Variants in COL25A1 observed in about 807,000 individuals in gnomAD.
COL25A1 encodes the protein collagen type XXV alpha 1 chain.
Under a neutral mutation model 128.4 loss-of-function variants are expected in COL25A1, and 103 were observed. The observed-to-expected ratio is 0.80, with a 90% CI of 0.68 to 0.94. The LOEUF (loss-of-function observed/expected upper bound fraction) is 0.94. Ranked by LOEUF, COL25A1 falls within the 40% of genes least tolerant of loss-of-function variation. The probability of loss-of-function intolerance (pLI) is 0.00; values close to 1 mark genes in which losing one functional copy is unlikely to be tolerated. For synonymous variants in COL25A1, 279 were observed against 277.2 expected (o/e 1.01, Z -0.06); for missense variants, 745 against 840.0 (o/e 0.89, Z 1.40).
At chr4:109,230,424 T>C (rs1289431420) in intron 3 of COL25A1, among the ~76,000 whole-genome samples, 1 of 152,226 alleles carries the variant, frequency 6.6e-6, no homozygotes, top group Non-Finnish European at 1.5e-5. Flanking sequence ...GTGTTATTTG[T>C]AACATTTTCA....
chr4:109,233,713 A>G (rs1431821747), intron 3 of COL25A1, among the ~76,000 whole-genome samples: 1 of 152,122 alleles, frequency 6.6e-6, no homozygotes, highest in African/African-American at 2.4e-5. Context: ...TGACTAATAA[A>G]CGAGGCCTTT....
chr4:108,954,900 A>G (rs1749884283), intron 8 of COL25A1, among the ~76,000 whole-genome samples: 1 of 152,084 alleles, frequency 6.6e-6, no homozygotes, highest in East Asian at 1.9e-4. Context: ...TAAAATATCT[A>G]AAAGCAATAG....
chr4:108,883,806 T>C (rs1740426569), intron 19 of COL25A1, among the ~76,000 whole-genome samples: 1 of 152,188 alleles, frequency 6.6e-6, no homozygotes, highest in African/African-American at 2.4e-5. Context: ...AAATGTTAGC[T>C]TTATGGGGAT....
At chr4:109,158,886 A>G (rs1465179752) in intron 3 of COL25A1, among the ~76,000 whole-genome samples, 1 of 152,194 alleles carries the variant, frequency 6.6e-6, no homozygotes, top group African/African-American at 2.4e-5. Context: ...TAAGCATCCA[A>G]TGTTAACACA....
At chr4:109,197,208 C>G (rs1776115535) in intron 3 of COL25A1, among the ~76,000 whole-genome samples, 1 of 149,238 alleles carries the variant, frequency 6.7e-6, no homozygotes, top group African/African-American at 2.5e-5. Context: ...TGCCTCTAAT[C>G]CCAGCTACTC....
intron 3 of COL25A1, among the ~76,000 whole-genome samples, chr4:109,052,836 T>A (rs1445748227): frequency 6.6e-6 from 1 of 152,070 alleles, no homozygotes. Context: ...CAGACAAAAC[T>A]GATGTTAACA....
intron 8 of COL25A1, 136 bp from the exon 9 acceptor site, chr4:108,941,573 A>G: frequency 1.6e-6 from 1 of 616,174 alleles, no homozygotes; most frequent in East Asian, 2.8e-5. Flanking sequence ...TAGAACTGGC[A>G]CTTATGTCTA....
intron 11 of COL25A1, among the ~76,000 whole-genome samples, chr4:108,927,501 G>A (rs926976845): frequency 2.6e-5 from 4 of 151,416 alleles, no homozygotes; most frequent in African/African-American, 7.3e-5. Context: ...CCCAGTTTGA[G>A]GCAGTTGTTC....
chr4:108,972,458 T>C (rs139400699), intron 8 of COL25A1, among the ~76,000 whole-genome samples: 1 of 152,320 alleles, frequency 6.6e-6, no homozygotes, highest in African/African-American at 2.4e-5. Flanking sequence ...ATGTAGCTAA[T>C]ACTATCTTAC....
At chr4:109,007,916 CTG>C (rs1756192775) in intron 6 of COL25A1, among the ~76,000 whole-genome samples, 1 of 152,214 alleles carries the variant, frequency 6.6e-6, no homozygotes, top group African/African-American at 2.4e-5. Context: ...TGTTTATTAA[CTG>C]TGGCTGTATA....
intron 3 of COL25A1, among the ~76,000 whole-genome samples, chr4:109,225,159 G>A (rs1778717968): frequency 6.6e-6 from 1 of 152,150 alleles, no homozygotes; most frequent in Non-Finnish European, 1.5e-5. Flanking sequence ...TATCACTTCA[G>A]TAGGTATATC....
At chr4:109,113,767 C>T (rs1036106631) in intron 3 of COL25A1, among the ~76,000 whole-genome samples, 6 of 152,074 alleles carry the variant, frequency 3.9e-5, no homozygotes, top group Admixed American at 2.0e-4. Flanking sequence ...CATTTCCATA[C>T]GCAGCTGAAG....
intron 18 of COL25A1, among the ~76,000 whole-genome samples, chr4:108,886,963 TAAAATA>T (rs888854075): frequency 3.3e-5 from 5 of 152,080 alleles, no homozygotes; most frequent in South Asian, 4.1e-4. Context: ...CCTCTAAAAT[TAAAATA>T]TTTATTTTTA....
At chr4:108,919,621 C>A (rs1325071846) in intron 12 of COL25A1, among the ~76,000 whole-genome samples, 5 of 151,976 alleles carry the variant, frequency 3.3e-5, no homozygotes, top group Non-Finnish European at 2.9e-5. Flanking sequence ...CCCCTCCCGG[C>A]TTGAGGGGTG....
chr4:108,912,365 A>C (rs2125885634), intron 13 of COL25A1, among the ~76,000 whole-genome samples: 1 of 152,272 alleles, frequency 6.6e-6, no homozygotes, highest in South Asian at 2.1e-4. Flanking sequence ...AAAACTGAAA[A>C]ATTAAAAAAT....
chr4:109,097,942 G>C (rs769411978), intron 3 of COL25A1, among the ~76,000 whole-genome samples: 1 of 152,070 alleles, frequency 6.6e-6, no homozygotes, highest in African/African-American at 2.4e-5. Context: ...GATTACAGAC[G>C]TGAGCCACCG....
intron 3 of COL25A1, among the ~76,000 whole-genome samples, chr4:109,140,500 T>C (rs928015200): frequency 1.3e-5 from 2 of 152,202 alleles, no homozygotes; most frequent in African/African-American, 2.4e-5. Context: ...GGGGATAGCA[T>C]TGAATCTATA....
intron 6 of COL25A1, among the ~76,000 whole-genome samples, chr4:108,985,203 C>A (rs1753547286): frequency 6.6e-6 from 1 of 152,198 alleles, no homozygotes; most frequent in South Asian, 2.1e-4. Context: ...CTTCATCCTT[C>A]TCTCTGTGGA....
At chr4:109,120,135 G>A (rs752848383) in intron 3 of COL25A1, among the ~76,000 whole-genome samples, 7 of 151,952 alleles carry the variant, frequency 4.6e-5, no homozygotes, top group Non-Finnish European at 1.0e-4. Flanking sequence ...AGCCTCTACC[G>A]GATAAAGAAC....
Sources: gnomAD v4.1 joint callset for allele counts (sites outside exome capture counted in the v4.1 genomes callset) on GRCh38, gnomAD v4.1.1 for gene constraint, MANE v1.5 for transcripts, NCBI Gene and HGNC (gene_info 2026-07-23, HGNC 2026-07-21) for gene names.